ZNF44: variants seen among roughly 807,000 people sequenced by gnomAD.
The protein encoded by ZNF44 is gonadotropin inducible transcription repressor-2.
Under a neutral mutation model 11.7 loss-of-function variants are expected in ZNF44, and 9 were observed. The observed-to-expected ratio is 0.77, with a 90% CI of 0.46 to 1.35. The LOEUF (loss-of-function observed/expected upper bound fraction) is 1.35. ZNF44 is among the 40% of genes most tolerant of loss of function. The pLI is 0.00. For synonymous variants in ZNF44, 224 were observed against 242.7 expected (o/e 0.92, Z 0.72); for missense variants, 696 against 743.1 (o/e 0.94, Z 0.74).
chr19:12,263,166 A>T (rs1465269485), intron 5 of ZNF44, among the ~76,000 whole-genome samples: 2 of 151,104 alleles, frequency 1.3e-5, no homozygotes, highest in Non-Finnish European at 2.9e-5. Flanking sequence ...CGCTCACCGC[A>T]ACCTCCATCT....
chr19:12,250,075 T>C (rs1916930083), intron 6 of ZNF44: 1 of 1,260,332 alleles, frequency 7.9e-7, no homozygotes, highest in African/African-American at 1.6e-5. Flanking sequence ...TCATAAATTA[T>C]TAGAAATTAC....
chr19:12,249,901 T>G, intron 7 of ZNF44: 2 of 1,030,572 alleles, frequency 1.9e-6, no homozygotes, highest in South Asian at 2.9e-5. Flanking sequence ...CTTGTTTTGT[T>G]TCTTTAATTA....
chr19:12,282,542 C>T (rs903873524), intron 1 of ZNF44, among the ~76,000 whole-genome samples: 5 of 151,878 alleles, frequency 3.3e-5, no homozygotes, highest in African/African-American at 1.2e-4. Flanking sequence ...CTGCCTCAGC[C>T]TCTCGAGCAG....
chr19:12,249,843 C>T (rs1237311109), intron 7 of ZNF44: 6 of 616,020 alleles, frequency 9.7e-6, no homozygotes, highest in Non-Finnish European at 1.4e-5. Context: ...TGAGCCACTG[C>T]GCTAGCTGGG....
chr19:12,253,187 CTTTTT>C (rs763591024), intron 5 of ZNF44, among the ~76,000 whole-genome samples: 3 of 110,244 alleles, frequency 2.7e-5, no homozygotes, highest in Non-Finnish European at 5.6e-5. Flanking sequence ...CTGCACCTGG[CTTTTT>C]TTTTTTTTTT....
At chr19:12,258,420 C>G (rs1306052617) in intron 5 of ZNF44, among the ~76,000 whole-genome samples, 1 of 150,590 alleles carries the variant, frequency 6.6e-6, no homozygotes. Context: ...TGTATAATAG[C>G]TGTCAATCCT....
chr19:12,265,186 A>G (rs1423315606), intron 5 of ZNF44, among the ~76,000 whole-genome samples: 1 of 152,002 alleles, frequency 6.6e-6, no homozygotes. Context: ...TGGGAGGATC[A>G]CTTGAGCTCA....
chr19:12,236,581 TCAGC>T (rs1916396978), intron 1 of ZNF44, among the ~76,000 whole-genome samples: 1 of 152,170 alleles, frequency 6.6e-6, no homozygotes, highest in Admixed American at 6.6e-5. Flanking sequence ...AACTGAACTC[TCAGC>T]CTGCAAGTTA....
In ZNF44 at chr19:12,273,549, C is replaced by T. The variant is rs776226355; in HGVS notation, c.706G>A (p.Val236Ile). The T allele has an allele frequency of 6.2e-7, 1 of 1,613,846 alleles. No homozygotes were observed. The highest frequency in any genetic ancestry group is 1.1e-5 in the South Asian group (1 of 91,054). Residue 236 changes from valine (V) to isoleucine (I), a missense_variant, in exon 4 of 4, where the codon GTT (valine) becomes ATT (isoleucine). Transcript: ENST00000355684. Reference sequence around the variant, plus strand: ...TCATGTCTTAGATAGGAACTGTAAACAGGGAAGGCTTTAGAACACTGCTTA... The same window carrying T: ...TCATGTCTTAGATAGGAACTGTAAATAGGGAAGGCTTTAGAACACTGCTTA... ...ECKQCSKAFP[V>I]YSSYLRHEKI... is the part of the protein sequence containing the mutation.
At chr19:12,236,987 C>A (rs1916414569) in intron 1 of ZNF44, 1 of 152,240 alleles carries the variant, frequency 6.6e-6, no homozygotes, top group African/African-American at 2.4e-5. Flanking sequence ...CCTTCAAGCC[C>A]CCCTGACGGG....
rs143541333 is a variant in ZNF44 at position 12,288,269 on chromosome 19, CTTAAGG to C, written c.3+6417_3+6422del. Among the ~76,000 whole-genome samples, 33 of 152,260 alleles carry C rather than the reference CTTAAGG, an allele frequency of 2.2e-4. No homozygotes were observed. In the East Asian group the frequency reaches 5.6e-3, roughly 26 times the overall value. On this transcript the variant is annotated intron_variant, in intron 1 of 3. Transcript: ENST00000355684. ...TTGAAGAACTCAGTTAAACAAGTTG[CTTAAGG>C]TTATCAGTTTGTTATAAAGTATATG...
At chr19:12,262,541 T>C (rs964605533) in intron 5 of ZNF44, among the ~76,000 whole-genome samples, 1 of 152,136 alleles carries the variant, frequency 6.6e-6, no homozygotes, top group Non-Finnish European at 1.5e-5. Flanking sequence ...AGTGTTGGGA[T>C]TACAGGCCTG....
At chr19:12,227,553 CCAAGATCGTGCCATTGCACT>C (rs1915971092) in intron 3 of ZNF44, among the ~76,000 whole-genome samples, 1 of 152,186 alleles carries the variant, frequency 6.6e-6, no homozygotes, top group African/African-American at 2.4e-5. Context: ...TTGCAGTGAG[CCAAGATCGTGCCATTGCACT>C]CCAGCCTGGG....
Position 12,272,892 on chromosome 19 carries a change from T to A in ZNF44, c.1363A>T (p.Lys455Ter). 2 of 1,614,156 alleles carry A rather than the reference T, an allele frequency of 1.2e-6. No homozygotes were observed. The highest frequency in any genetic ancestry group is 1.7e-6 in the Non-Finnish European group (2 of 1,180,036). ...GEQPYKCKCG[K>*]AFSDLFSFQS... ...AAGGAAAATAAATCACTAAAAGCTT[T>A]TCCACATTTACATTTATAGGGTTGC... The change falls in exon 4 of 4, where the codon AAA becomes TAA. Residue 455 changes from lysine (K) to a stop codon, truncating the protein, a stop_gained. Transcript: ENST00000355684. LOFTEE classifies it low-confidence loss of function (END_TRUNC).
At chr19:12,235,480 C>G (rs968427076) in intron 1 of ZNF44, among the ~76,000 whole-genome samples, 6 of 152,150 alleles carry the variant, frequency 3.9e-5, no homozygotes, top group Admixed American at 2.6e-4. Flanking sequence ...CAACAGAATC[C>G]TACTGCCAAA....
chr19:12,250,938 G>C (rs1430057663), intron 5 of ZNF44: 1 of 400,936 alleles, frequency 2.5e-6, no homozygotes, highest in African/African-American at 2.1e-5. Context: ...TTCTTTTGGA[G>C]AAGTTGGCTG....
At chr19:12,281,059 A>C (rs1967456139) in intron 1 of ZNF44, among the ~76,000 whole-genome samples, 1 of 152,214 alleles carries the variant, frequency 6.6e-6, no homozygotes, top group African/African-American at 2.4e-5. Flanking sequence ...AAAATCACTA[A>C]TGATATAGCT....
In ZNF44 at chr19:12,274,083, C is replaced by T; in HGVS notation, c.192-20G>A. 6.4e-7 allele frequency: 1 copy of T among 1,567,004 alleles called. No homozygotes were observed. Among genetic ancestry groups the T allele is most frequent in the Non-Finnish European group, 8.7e-7 (1 of 1,153,538 alleles). ...TCACACCTGTAAAAAATGAAAAGTA[C>T]ATTACTAAAGGTTTATTATTGAATT... On this transcript the variant is annotated intron_variant, in intron 3 of 3. Transcript: ENST00000355684.
intron 1 of ZNF44, among the ~76,000 whole-genome samples, chr19:12,289,961 GATTTATC>G (rs1967940201): frequency 6.6e-6 from 1 of 151,762 alleles, no homozygotes; most frequent in Admixed American, 6.6e-5. Flanking sequence ...GCTAAATCCA[GATTTATC>G]TTACCTGAAG....
Sources: gnomAD v4.1 joint callset for allele counts (sites outside exome capture counted in the v4.1 genomes callset) on GRCh38, gnomAD v4.1.1 for gene constraint, MANE v1.5 for transcripts, NCBI Gene and HGNC (gene_info 2026-07-23, HGNC 2026-07-21) for gene names.